The following ATP2B3 variants were observed in gnomAD, a reference collection of about 807,000 sequenced individuals.
ATP2B3 encodes the protein ATPase plasma membrane Ca2+ transporting 3.
In ATP2B3, 12 loss-of-function variants were observed where a neutral mutation model predicts 70.8. The observed-to-expected ratio is 0.17, with a 90% confidence interval of 0.11 to 0.27. The LOEUF is 0.27. Ranked by LOEUF, ATP2B3 falls within the 10% of genes least tolerant of loss-of-function variation. ATP2B3 has a pLI of 1.00. For missense variants in ATP2B3, 858 were observed against 1,118.5 expected (o/e 0.77, Z 3.32); for synonymous variants, 460 against 497.8 (o/e 0.92, Z 1.01).
chrX:153,538,533 T>C (rs1489363265), intron 3 of ATP2B3, among the ~76,000 whole-genome samples: 1 of 113,024 alleles, frequency 8.8e-6, no homozygotes, highest in Non-Finnish European at 1.9e-5. Context: ...CCCGGGAACC[T>C]GGCCCCGCCC....
intron 2 of ATP2B3, among the ~76,000 whole-genome samples, chrX:153,531,868 G>A (rs966580079): frequency 8.9e-6 from 1 of 112,406 alleles, no homozygotes; most frequent in Non-Finnish European, 1.9e-5. Context: ...CGTGAATCCC[G>A]ATGCGTGCAT....
chrX:153,561,138 T>A (rs1274848001), intron 19 of ATP2B3, among the ~76,000 whole-genome samples: 2 of 112,263 alleles, frequency 1.8e-5, no homozygotes, highest in Admixed American at 9.4e-5. Flanking sequence ...TGAGCCCTCA[T>A]CGGAACGAAG....
At chrX:153,527,073 A>T (rs1557000082) in intron 2 of ATP2B3, among the ~76,000 whole-genome samples, 1 of 112,566 alleles carries the variant, frequency 8.9e-6, no homozygotes, top group Admixed American at 9.3e-5. Context: ...CATGGCCTCC[A>T]GCTGCCTGTA....
At chrX:153,564,271 C>G (rs1438040823) in intron 20 of ATP2B3, among the ~76,000 whole-genome samples, 1 of 112,970 alleles carries the variant, frequency 8.9e-6, no homozygotes, top group Non-Finnish European at 1.9e-5. Flanking sequence ...CGGTGTGGAG[C>G]GACATGCAGG....
At chrX:153,539,422 C>T (rs974500144) in intron 3 of ATP2B3, among the ~76,000 whole-genome samples, 12 of 112,873 alleles carry the variant, frequency 1.1e-4, no homozygotes, top group Non-Finnish European at 1.9e-4. Context: ...GAATGAGCCA[C>T]GGTTGTGCGG....
intron 3 of ATP2B3, among the ~76,000 whole-genome samples, chrX:153,539,825 T>C (rs1380313236): frequency 8.8e-6 from 1 of 113,054 alleles, no homozygotes; most frequent in Non-Finnish European, 1.9e-5. Flanking sequence ...AGAAGGTGGC[T>C]GAGTGGGTGT....
chrX:153,542,485 G>A (rs928921030), intron 6 of ATP2B3, 37 bp downstream of exon 6: 1 of 1,199,997 alleles, frequency 8.3e-7, no homozygotes, highest in African/African-American at 1.7e-5. Flanking sequence ...GGCACCAAGG[G>A]GCGTCAGCAG....
At chrX:153,562,342 C>T (rs369842499) in intron 20 of ATP2B3, 100 bp downstream of exon 20, 10 of 763,806 alleles carry the variant, frequency 1.3e-5, no homozygotes, top group East Asian at 1.3e-4. Context: ...GGGGTCCTCA[C>T]CCTAGGAAGC....
In ATP2B3 at chrX:153,580,335, C is replaced by T. The variant is rs1557022626; in HGVS notation, c.*37C>T. On this transcript the variant is annotated 3_prime_UTR_variant, in exon 22 of 22. Coordinates refer to ENST00000263519, the MANE Select transcript of ATP2B3 (RefSeq NM_001001344.3). ...CTCAGCACATGCGCACACGCACACT[C>T]GGACTCACACGAAGTCACACGCACA... is the stretch of plus-strand genomic sequence containing the variant. 1.4e-5 allele frequency: 16 copies of T among 1,143,740 alleles called. 1 individual carries two copies. In the South Asian group the frequency reaches 1.7e-4, roughly 12 times the overall value. The allele number at this position is 1,143,740 out of a possible 1,213,427, so 94.3% of individuals were successfully genotyped here.
In ATP2B3 at chrX:153,580,678, G is replaced by A. The variant is rs1228736423; in HGVS notation, c.*380G>A. ...TTTTTTAACAAACTACAGTTTTACC[G>A]TGTGTTTGCCATTTGAGCTGTGTGG... On this transcript the variant is annotated 3_prime_UTR_variant, in exon 22 of 22. Coordinates refer to ENST00000263519, the MANE Select transcript of ATP2B3 (RefSeq NM_001001344.3). 1.9e-5 allele frequency: 3 copies of A among 157,352 alleles called. No individual in the cohort carries two copies. The highest frequency in any genetic ancestry group is 1.5e-4 in the Admixed American group (2 of 13,531). The allele number at this position is 157,352 out of a possible 1,213,427, so 13.0% of individuals were successfully genotyped here. A position where few individuals can be genotyped will look rare whatever the true frequency, so the allele number is the denominator to read the frequency against.
intron 21 of ATP2B3, among the ~76,000 whole-genome samples, chrX:153,570,350 C>T (rs930449297): frequency 1.2e-4 from 14 of 112,804 alleles, no homozygotes; most frequent in Non-Finnish European, 1.5e-4. Flanking sequence ...CACTACTGCA[C>T]AGGTGGTGCC....
intron 2 of ATP2B3, among the ~76,000 whole-genome samples, chrX:153,519,476 C>T (rs2089924764): frequency 9.0e-6 from 1 of 111,654 alleles, no homozygotes; most frequent in Admixed American, 9.4e-5. Context: ...CACCCCCCGC[C>T]GCCACTTTTC....
chrX:153,532,833 T>G (rs2090137095), intron 2 of ATP2B3: 1 of 112,089 alleles, frequency 8.9e-6, no homozygotes, highest in Non-Finnish European at 1.9e-5. Flanking sequence ...TTCTTGGCCA[T>G]CTCGGCGATG....
rs1011573442 is a variant in ATP2B3 at position 153,543,121 on chromosome X, C to T, written c.869C>T (p.Thr290Met). The T allele has an allele frequency of 8.3e-6, 10 of 1,210,949 alleles. No homozygotes were observed. Among genetic ancestry groups the T allele is most frequent in the Admixed American group, 4.4e-5 (2 of 45,975 alleles). The change falls in exon 7 of 22, where the codon ACG becomes ATG. Residue 290 changes from threonine to methionine, a missense_variant. By Grantham distance (81) the Thr-to-Met change is moderately conservative. Transcript: ENST00000263519. ...AATTCCCAGACAGGCATCATCTTCA[C>T]GCTGCTTGGAGCTGGCGGAGAGGAG... ...GVNSQTGIIF[T>M]LLGAGGEEEE... is the part of the protein sequence containing the mutation.
chrX:153,555,233 AG>A, intron 13 of ATP2B3, among the ~76,000 whole-genome samples: 1 of 110,674 alleles, frequency 9.0e-6, no homozygotes, highest in Non-Finnish European at 1.9e-5. Context: ...CCATGGCCTC[AG>A]GGGGCGCCAG....
chrX:153,569,311 G>A (rs2090754920), intron 21 of ATP2B3: 1 of 540,921 alleles, frequency 1.8e-6, no homozygotes, highest in Non-Finnish European at 3.4e-6. Flanking sequence ...GCTTGCAAGG[G>A]GCATTTCTGA....
chrX:153,576,704 C>T (rs1247426690), intron 21 of ATP2B3, among the ~76,000 whole-genome samples: 7 of 111,396 alleles, frequency 6.3e-5, no homozygotes, highest in Middle Eastern at 4.2e-3. Flanking sequence ...GGGGGCGTGG[C>T]GCGTCCTGGG....
intron 9 of ATP2B3, among the ~76,000 whole-genome samples, chrX:153,548,236 C>T (rs982879424): frequency 8.1e-5 from 9 of 111,634 alleles, no homozygotes; most frequent in African/African-American, 2.9e-4. Flanking sequence ...ACACACTGAG[C>T]CACTGCCCAT....
chrX:153,559,333 C>T (rs782738609), intron 17 of ATP2B3: 12 of 163,132 alleles, frequency 7.4e-5, no homozygotes, highest in Non-Finnish European at 1.3e-4. Context: ...TGATTTTTAA[C>T]GAACAACTCA....
Sources: gnomAD v4.1 joint callset for allele counts (sites outside exome capture counted in the v4.1 genomes callset) on GRCh38, gnomAD v4.1.1 for gene constraint, MANE v1.5 for transcripts, NCBI Gene and HGNC (gene_info 2026-07-23, HGNC 2026-07-21) for gene names.